The following AGBL4 variants were observed in gnomAD, a reference collection of about 807,000 sequenced individuals.
AGBL4 encodes the protein AGBL carboxypeptidase 4, also known as cytosolic carboxypeptidase 6.
AGBL4 carries 58 observed loss-of-function variants against 66.4 expected under a neutral mutation model. The observed-to-expected ratio is 0.87, with a 90% confidence interval of 0.71 to 1.09. The LOEUF (loss-of-function observed/expected upper bound fraction) is 1.09. AGBL4 is among the 50% of genes least tolerant of loss of function. The probability of loss-of-function intolerance (pLI) is 0.00; values close to 1 mark genes in which losing one functional copy is unlikely to be tolerated. For missense variants in AGBL4, 579 were observed against 631.0 expected, an observed-to-expected ratio of 0.92 and a Z score of 0.88; for synonymous variants, 234 against 222.9, an observed-to-expected ratio of 1.05 and a Z score of -0.44.
intron 3 of AGBL4, among the ~76,000 whole-genome samples, chr1:49,288,774 C>A (rs1644477345): frequency 1.3e-5 from 2 of 152,124 alleles, no homozygotes; most frequent in South Asian, 2.1e-4. Context: ...AGATGAAGGG[C>A]TATGCCCTTG....
At chr1:49,296,493 C>T (rs182874507) in intron 3 of AGBL4, among the ~76,000 whole-genome samples, 1 of 152,270 alleles carries the variant, frequency 6.6e-6, no homozygotes, top group Admixed American at 6.5e-5. Context: ...AGTTAATTAA[C>T]CATTACTTTC....
chr1:49,919,132 T>G (rs1651916022), intron 1 of AGBL4, among the ~76,000 whole-genome samples: 1 of 152,166 alleles, frequency 6.6e-6, no homozygotes, highest in African/African-American at 2.4e-5. Flanking sequence ...AATATCATAC[T>G]CAATGGACAA....
At chr1:48,672,179 G>A (rs1241738347) in intron 6 of AGBL4, among the ~76,000 whole-genome samples, 1 of 152,226 alleles carries the variant, frequency 6.6e-6, no homozygotes, top group African/African-American at 2.4e-5. Context: ...CCACAGTAAA[G>A]GCAAGAGTTC....
intron 7 of AGBL4, among the ~76,000 whole-genome samples, 172 bp downstream of exon 7, chr1:48,662,980 T>G (rs1646131671): frequency 6.6e-6 from 1 of 152,222 alleles, no homozygotes; most frequent in Admixed American, 6.5e-5. Flanking sequence ...GTCTAGTCAA[T>G]AAACATTTAT....
At chr1:48,591,061 ACACACACACCCCC>A in intron 9 of AGBL4, 76 bp from the exon 10 acceptor site, 2 of 1,269,332 alleles carry the variant, frequency 1.6e-6, no homozygotes, top group Non-Finnish European at 2.1e-6. Context: ...ACTACACTAC[ACACACACACCCCC>A]CACACACACC....
At chr1:49,968,231 A>C (rs1343273384) in intron 1 of AGBL4, among the ~76,000 whole-genome samples, 1 of 151,964 alleles carries the variant, frequency 6.6e-6, no homozygotes, top group African/African-American at 2.4e-5. Flanking sequence ...AAAAAAAAAA[A>C]AAATCAGCAT....
intron 11 of AGBL4, among the ~76,000 whole-genome samples, chr1:48,562,736 G>C (rs1377168032): frequency 3.3e-5 from 5 of 152,138 alleles, no homozygotes; most frequent in African/African-American, 9.7e-5. Flanking sequence ...GAGAGATAAG[G>C]AACTTCTGCT....
intron 5 of AGBL4, among the ~76,000 whole-genome samples, chr1:48,948,330 C>T (rs1241061736): frequency 1.3e-5 from 2 of 152,204 alleles, no homozygotes; most frequent in African/African-American, 4.8e-5. Flanking sequence ...CTTCCTTTGC[C>T]TTCTCAGCCT....
intron 3 of AGBL4, among the ~76,000 whole-genome samples, chr1:49,267,742 C>T (rs1032676780): frequency 2.0e-5 from 3 of 152,090 alleles, no homozygotes; most frequent in Non-Finnish European, 4.4e-5. Flanking sequence ...AATGGACTCA[C>T]AGTTCCACGT....
intron 3 of AGBL4, among the ~76,000 whole-genome samples, chr1:49,390,921 G>A (rs1272970153): frequency 2.6e-5 from 4 of 152,142 alleles, no homozygotes; most frequent in Non-Finnish European, 2.9e-5. Context: ...GAGAGGCATG[G>A]GGTACAATGC....
intron 6 of AGBL4, among the ~76,000 whole-genome samples, chr1:48,665,691 C>T (rs1311955129): frequency 6.6e-6 from 1 of 151,472 alleles, no homozygotes; most frequent in East Asian, 1.9e-4. Context: ...TTTCCATTTA[C>T]AATTTACACA....
intron 5 of AGBL4, among the ~76,000 whole-genome samples, chr1:48,937,034 A>G (rs1386525546): frequency 6.6e-6 from 1 of 152,200 alleles, no homozygotes; most frequent in Non-Finnish European, 1.5e-5. Context: ...ATATCATCCA[A>G]TCTTCTTCCT....
At chr1:48,671,587 G>A (rs1414948668) in intron 6 of AGBL4, among the ~76,000 whole-genome samples, 1 of 152,162 alleles carries the variant, frequency 6.6e-6, no homozygotes, top group Non-Finnish European at 1.5e-5. Context: ...AACTCATAAG[G>A]ATCTTGTAAG....
intron 4 of AGBL4, among the ~76,000 whole-genome samples, chr1:49,154,657 T>C (rs946340970): frequency 2.0e-5 from 3 of 152,192 alleles, no homozygotes; most frequent in Admixed American, 6.5e-5. Flanking sequence ...TTGTCTCCCA[T>C]GGTGCTGACA....
At chr1:48,612,923 C>G (rs1025220661) in intron 9 of AGBL4, among the ~76,000 whole-genome samples, 2 of 152,160 alleles carry the variant, frequency 1.3e-5, no homozygotes, top group Non-Finnish European at 2.9e-5. Context: ...CACCTGAGGT[C>G]AGGAGTTCAA....
chr1:49,850,031 G>GC (rs1219908746), intron 2 of AGBL4, among the ~76,000 whole-genome samples: 1 of 152,168 alleles, frequency 6.6e-6, no homozygotes, highest in Non-Finnish European at 1.5e-5. Context: ...TCTTAATTAT[G>GC]CGGACAGTAT....
At chr1:49,785,634 T>A (rs1224657421) in intron 2 of AGBL4, among the ~76,000 whole-genome samples, 1 of 152,016 alleles carries the variant, frequency 6.6e-6, no homozygotes, top group East Asian at 1.9e-4. Flanking sequence ...ATTTTTAATC[T>A]TATTGCAAAT....
At chr1:49,658,192 G>A (rs908021149) in intron 3 of AGBL4, among the ~76,000 whole-genome samples, 2 of 152,132 alleles carry the variant, frequency 1.3e-5, no homozygotes, top group African/African-American at 4.8e-5. Context: ...CAAAAAGTGG[G>A]TGAAGGATAT....
At chr1:48,865,202 G>C (rs542194083) in intron 6 of AGBL4, among the ~76,000 whole-genome samples, 1 of 152,110 alleles carries the variant, frequency 6.6e-6, no homozygotes, top group Non-Finnish European at 1.5e-5. Context: ...GGGTGAATTT[G>C]ATAGCACAAG....
Sources: allele counts gnomAD v4.1 joint callset (sites outside exome capture counted in the v4.1 genomes callset), GRCh38; gene constraint gnomAD v4.1.1; transcripts MANE v1.5; gene names NCBI Gene and HGNC (gene_info 2026-07-23, HGNC 2026-07-21).